Variants in ARHGAP24 observed in about 807,000 individuals in gnomAD.
The protein encoded by ARHGAP24 is rho GTPase-activating protein 24.
A neutral mutation model predicts 76.4 loss-of-function variants in ARHGAP24; 50 were observed. The ratio of observed to expected loss-of-function variants is 0.65; its 90% confidence interval spans 0.52 to 0.83. The LOEUF (loss-of-function observed/expected upper bound fraction) is 0.83, where lower values mean the gene tolerates loss of function less well. Among genes scored for constraint, ARHGAP24 ranks in the 40% least tolerant of loss-of-function variants. ARHGAP24 has a pLI of 0.00. For synonymous variants in ARHGAP24, 345 were observed against 323.3 expected, an observed-to-expected ratio of 1.07 and a Z score of -0.72; for missense variants, 930 against 914.2, an observed-to-expected ratio of 1.02 and a Z score of -0.22.
chr4:85,897,699 T>C (rs1734262531), intron 3 of ARHGAP24, among the ~76,000 whole-genome samples: 1 of 152,220 alleles, frequency 6.6e-6, no homozygotes, highest in African/African-American at 2.4e-5. Context: ...CTCCCTTTCT[T>C]GTTCTTTCTC....
chr4:85,623,057 C>G (rs1176313002), intron 2 of ARHGAP24, among the ~76,000 whole-genome samples: 1 of 152,114 alleles, frequency 6.6e-6, no homozygotes, highest in Non-Finnish European at 1.5e-5. Flanking sequence ...TGCCTGTTCA[C>G]TCTCATGTAG....
chr4:85,576,508 C>T (rs1727384405), intron 2 of ARHGAP24, among the ~76,000 whole-genome samples: 1 of 151,892 alleles, frequency 6.6e-6, no homozygotes, highest in African/African-American at 2.4e-5. Flanking sequence ...ATCTCTAAGG[C>T]AATTGCTGTC....
chr4:85,678,236 G>T (rs1010891677), intron 2 of ARHGAP24, among the ~76,000 whole-genome samples: 1 of 151,932 alleles, frequency 6.6e-6, no homozygotes. Context: ...TGGCATAGTG[G>T]TGACCTGCCT....
intron 2 of ARHGAP24, among the ~76,000 whole-genome samples, chr4:85,700,553 AG>A (rs1724044322): frequency 6.6e-6 from 1 of 152,160 alleles, no homozygotes; most frequent in Non-Finnish European, 1.5e-5. Flanking sequence ...GGAGATAGGA[AG>A]GATTACAGGG....
intron 3 of ARHGAP24, among the ~76,000 whole-genome samples, chr4:85,797,450 G>T (rs1411688735): frequency 1.3e-5 from 2 of 152,212 alleles, no homozygotes; most frequent in Non-Finnish European, 2.9e-5. Context: ...TGGGATTACA[G>T]GCGTGAGCCA....
chr4:85,531,699 G>T (rs767980581), intron 1 of ARHGAP24, among the ~76,000 whole-genome samples: 6 of 151,646 alleles, frequency 4.0e-5, no homozygotes. Flanking sequence ...GTTTATTTTT[G>T]CTCTCATGGC....
At chr4:85,535,762 C>T (rs1725444646) in intron 1 of ARHGAP24, among the ~76,000 whole-genome samples, 1 of 152,108 alleles carries the variant, frequency 6.6e-6, no homozygotes, top group African/African-American at 2.4e-5. Flanking sequence ...ATGAATATGT[C>T]TCCCCCCTAT....
intron 2 of ARHGAP24, among the ~76,000 whole-genome samples, chr4:85,625,704 C>T (rs1720923348): frequency 6.6e-6 from 1 of 152,202 alleles, no homozygotes; most frequent in African/African-American, 2.4e-5. Context: ...CTGTGGGAGT[C>T]TAAGTCTCTT....
Position 85,691,366 on chromosome 4 carries a change from A to G in ARHGAP24, c.181-30519A>G, listed in dbSNP as rs139322713. Among the ~76,000 whole-genome samples, 132 of 152,280 alleles carry G rather than the reference A, an allele frequency of 8.7e-4. 2 individuals are homozygous for G. The East Asian group carries it at 0.021, about 25-fold the overall frequency. On this transcript the variant is annotated intron_variant, in intron 2 of 9. Transcript: ENST00000395184. ...TTCTGTAGATTTCTTATTAAGTCCA[A>G]TTGGTAAAATGCCAAGTTTAAGTCT... is the stretch of plus-strand genomic sequence containing the variant.
At chr4:85,932,284 A>G (rs1736376891) in intron 4 of ARHGAP24, among the ~76,000 whole-genome samples, 1 of 152,192 alleles carries the variant, frequency 6.6e-6, no homozygotes, top group African/African-American at 2.4e-5. Context: ...TTAAAGGCTC[A>G]GGGACAAATT....
intron 1 of ARHGAP24, among the ~76,000 whole-genome samples, chr4:85,552,981 G>A (rs1474488372): frequency 6.6e-6 from 1 of 152,076 alleles, no homozygotes; most frequent in African/African-American, 2.4e-5. Flanking sequence ...CCCTTGCAGC[G>A]AGTGTTACAG....
intron 5 of ARHGAP24, among the ~76,000 whole-genome samples, chr4:85,966,684 C>T (rs13104099): frequency 0.21 from 31,853 of 152,092 alleles, 3,602 homozygotes; most frequent in South Asian, 0.39. Context: ...AAGACCATTT[C>T]GTGGTAGCAT....
intron 2 of ARHGAP24, among the ~76,000 whole-genome samples, chr4:85,721,330 G>C (rs570848772): frequency 2.0e-5 from 3 of 151,934 alleles, no homozygotes; most frequent in Non-Finnish European, 4.4e-5. Context: ...GGAAGGCAGA[G>C]GTTGCAGCGA....
rs569778612 is a variant in ARHGAP24 at position 85,783,985 on chromosome 4, CA to C, written c.268+62015del. On this transcript the variant is annotated intron_variant, in intron 3 of 9. Coordinates refer to ENST00000395184, the MANE Select transcript of ARHGAP24 (RefSeq NM_001025616.3). The stretch of plus-strand genomic sequence containing the variant: ...CAAACAAACAAATCTTCAGCCTTTT[CA>C]ACCATGTTCTTTTTTCCTGGTGCCA... Among the ~76,000 whole-genome samples the C allele has an allele frequency of 1.7e-3, 264 of 152,278 alleles. 3 individuals are homozygous for C. The highest frequency in any genetic ancestry group is 3.3e-3 in the Non-Finnish European group (225 of 68,016).
At chr4:85,919,076 A>G (rs1030362056) in intron 3 of ARHGAP24, among the ~76,000 whole-genome samples, 2 of 152,234 alleles carry the variant, frequency 1.3e-5, no homozygotes, top group Non-Finnish European at 2.9e-5. Context: ...CACATATCAC[A>G]TATGGATTGA....
chr4:85,900,688 A>G (rs1734442749), intron 3 of ARHGAP24, among the ~76,000 whole-genome samples: 1 of 152,158 alleles, frequency 6.6e-6, no homozygotes, highest in African/African-American at 2.4e-5. Flanking sequence ...GGCCTCCCAA[A>G]GTACAGGGAT....
chr4:85,997,293 G>A (rs936386686), intron 9 of ARHGAP24, among the ~76,000 whole-genome samples: 2 of 151,354 alleles, frequency 1.3e-5, no homozygotes, highest in South Asian at 2.1e-4. Flanking sequence ...TAGGTAGGTA[G>A]GTAGGTAGGT....
chr4:85,759,728 A>G (rs1022601085), intron 3 of ARHGAP24, among the ~76,000 whole-genome samples: 1 of 152,180 alleles, frequency 6.6e-6, no homozygotes, highest in African/African-American at 2.4e-5. Context: ...GGCAGTGGGA[A>G]TGGAAAGAAG....
intron 3 of ARHGAP24, among the ~76,000 whole-genome samples, chr4:85,832,241 G>C (rs1730031263): frequency 6.6e-6 from 1 of 152,150 alleles, no homozygotes; most frequent in Non-Finnish European, 1.5e-5. Context: ...GGTCTCAGTG[G>C]TGTAGGGGTT....
Sources: allele counts gnomAD v4.1 joint callset (sites outside exome capture counted in the v4.1 genomes callset), GRCh38; gene constraint gnomAD v4.1.1; transcripts MANE v1.5; gene names NCBI Gene and HGNC (gene_info 2026-07-23, HGNC 2026-07-21).